SNCAIP: variants seen among roughly 807,000 people sequenced by gnomAD.
SNCAIP encodes the protein synuclein alpha interacting protein, also known as synphilin-1.
A neutral mutation model predicts 86.7 loss-of-function variants in SNCAIP; 43 were observed. That is an observed-to-expected ratio of 0.50 (90% CI 0.39 to 0.64). SNCAIP has a LOEUF of 0.64. Ranked by LOEUF, SNCAIP falls within the 30% of genes least tolerant of loss-of-function variation. The pLI, the probability that SNCAIP is intolerant of heterozygous loss-of-function variation, is 0.00. For missense variants in SNCAIP, 981 were observed against 1,103.1 expected (o/e 0.89, Z 1.57); for synonymous variants, 417 against 427.2 (o/e 0.98, Z 0.29).
At chr5:122,352,994 G>C (rs534591941) in intron 1 of SNCAIP, among the ~76,000 whole-genome samples, 1 of 152,162 alleles carries the variant, frequency 6.6e-6, no homozygotes, top group South Asian at 2.1e-4. Context: ...TTTGATACAC[G>C]TACATACAAA....
chr5:122,319,333 C>G (rs1752473888), intron 1 of SNCAIP, among the ~76,000 whole-genome samples: 1 of 152,056 alleles, frequency 6.6e-6, no homozygotes, highest in African/African-American at 2.4e-5. Flanking sequence ...CAGTCATCTT[C>G]CTGTGATACT....
intron 1 of SNCAIP, among the ~76,000 whole-genome samples, chr5:122,328,787 T>G (rs1326726837): frequency 2.1e-4 from 32 of 152,330 alleles, no homozygotes; most frequent in Non-Finnish European, 7.3e-5. Context: ...ATTTAAGCCC[T>G]TATGATTTGA....
intron 2 of SNCAIP, among the ~76,000 whole-genome samples, chr5:122,397,057 T>C (rs1196608315): frequency 6.6e-6 from 1 of 152,182 alleles, no homozygotes; most frequent in Non-Finnish European, 1.5e-5. Context: ...TACTAGTTCA[T>C]AATCTTCCCG....
intron 1 of SNCAIP, among the ~76,000 whole-genome samples, chr5:122,347,396 CTTT>C (rs72100282): frequency 1.2e-4 from 17 of 139,574 alleles, no homozygotes; most frequent in African/African-American, 2.4e-4. Flanking sequence ...GATTTCTTTC[CTTT>C]TTTTTTTTTT....
intron 1 of SNCAIP, among the ~76,000 whole-genome samples, chr5:122,345,369 A>G (rs1007159419): frequency 2.6e-5 from 4 of 152,166 alleles, no homozygotes; most frequent in Non-Finnish European, 4.4e-5. Flanking sequence ...TCCTTTCCCC[A>G]TACCTACTTC....
chr5:122,404,526 C>T (rs1343982560), intron 3 of SNCAIP, among the ~76,000 whole-genome samples: 2 of 151,810 alleles, frequency 1.3e-5, no homozygotes, highest in Non-Finnish European at 2.9e-5. Flanking sequence ...CTATGATGGG[C>T]AAAAATGAAA....
chr5:122,383,815 A>G (rs1375629886), intron 1 of SNCAIP, among the ~76,000 whole-genome samples: 1 of 152,252 alleles, frequency 6.6e-6, no homozygotes, highest in East Asian at 1.9e-4. Context: ...TTTCTAAAAC[A>G]GTGCCATCTT....
At chr5:122,407,961 C>T (rs1372208698) in intron 3 of SNCAIP, among the ~76,000 whole-genome samples, 2 of 152,200 alleles carry the variant, frequency 1.3e-5, no homozygotes, top group Admixed American at 1.3e-4. Flanking sequence ...AATTTCCACT[C>T]ATTGATCCTG....
chr5:122,316,332 A>G, intron 1 of SNCAIP, among the ~76,000 whole-genome samples: 1 of 152,162 alleles, frequency 6.6e-6, no homozygotes, highest in East Asian at 1.9e-4. Context: ...CTTTGACTTA[A>G]TTTGAGTGGC....
intron 10 of SNCAIP, 74 bp from the exon 11 acceptor site, chr5:122,463,417 C>A: frequency 4.7e-6 from 4 of 844,282 alleles, no homozygotes; most frequent in Non-Finnish European, 8.2e-6. Context: ...TTTTGGTGAG[C>A]TGTTTAGTGG....
intron 5 of SNCAIP, 27 bp downstream of exon 5, chr5:122,425,558 A>C: frequency 1.3e-6 from 2 of 1,589,512 alleles, no homozygotes; most frequent in Non-Finnish European, 1.7e-6. Flanking sequence ...TGGAACCTCC[A>C]CAGCTAGAAG....
At chr5:122,333,824 T>C (rs1427416587) in intron 1 of SNCAIP, among the ~76,000 whole-genome samples, 1 of 152,186 alleles carries the variant, frequency 6.6e-6, no homozygotes, top group East Asian at 1.9e-4. Context: ...GATTATTAAT[T>C]GCAATAGACT....
At chr5:122,422,764 A>G (rs1014119516) in intron 3 of SNCAIP, 104 bp from the exon 4 acceptor site, 2 of 926,374 alleles carry the variant, frequency 2.2e-6, no homozygotes, top group Non-Finnish European at 3.5e-6. Flanking sequence ...CACACACAGA[A>G]CCTTAATTTG....
chr5:122,354,979 A>C (rs1473176249), intron 1 of SNCAIP, among the ~76,000 whole-genome samples: 2 of 152,294 alleles, frequency 1.3e-5, no homozygotes, highest in East Asian at 3.9e-4. Context: ...CAGGATATAA[A>C]GTCTGGTTTT....
At chr5:122,402,909 G>C (rs936634596) in intron 2 of SNCAIP, among the ~76,000 whole-genome samples, 3 of 152,144 alleles carry the variant, frequency 2.0e-5, no homozygotes, top group African/African-American at 7.2e-5. Flanking sequence ...TGCATTTTAT[G>C]AATTAAAGTA....
chr5:122,383,807 T>C (rs1345866504), intron 1 of SNCAIP, among the ~76,000 whole-genome samples: 1 of 152,186 alleles, frequency 6.6e-6, no homozygotes, highest in East Asian at 1.9e-4. Flanking sequence ...AATCAAGTTT[T>C]CTAAAACAGT....
intron 1 of SNCAIP, among the ~76,000 whole-genome samples, chr5:122,347,480 C>T (rs986606160): frequency 1.4e-5 from 2 of 145,118 alleles, no homozygotes; most frequent in African/African-American, 2.6e-5. Flanking sequence ...GAGTGTTTTT[C>T]TATGTGTATT....
chr5:122,383,073 G>A (rs1016754410), intron 1 of SNCAIP, among the ~76,000 whole-genome samples: 1 of 152,212 alleles, frequency 6.6e-6, no homozygotes, highest in East Asian at 1.9e-4. Flanking sequence ...GCTCCACCCA[G>A]TTGGAGCTTC....
In SNCAIP at chr5:122,463,472, T is replaced by C. The variant is rs1293603093; in HGVS notation, c.2755-19T>C. ...CATAGTTTTATCTAATTTTGGCCTG[T>C]GGTTTCTCTTCTGCTTAGGCATAAT... On this transcript the variant is annotated intron_variant, in intron 10 of 10. Transcript: ENST00000261368. The C allele has an allele frequency of 1.3e-6, 2 of 1,486,968 alleles. No homozygotes were observed. The highest frequency in any genetic ancestry group is 1.9e-6 in the Non-Finnish European group (2 of 1,065,760). The allele number at this position is 1,486,968 out of a possible 1,614,324, so 92.1% of individuals were successfully genotyped here. A position where few individuals can be genotyped will look rare whatever the true frequency, so the allele number is the denominator to read the frequency against.
Sources: allele counts gnomAD v4.1 joint callset (sites outside exome capture counted in the v4.1 genomes callset), GRCh38; gene constraint gnomAD v4.1.1; transcripts MANE v1.5; gene names NCBI Gene and HGNC (gene_info 2026-07-23, HGNC 2026-07-21).